Variants in MBD5 observed in about 807,000 individuals in gnomAD.
The protein encoded by MBD5 is methyl-CpG binding domain protein 5, also known as methyl-CpG-binding domain protein 5.
Under a neutral mutation model 117.3 loss-of-function variants are expected in MBD5, and 13 were observed. That is an observed-to-expected ratio of 0.11 (90% CI 0.07 to 0.18). The LOEUF (loss-of-function observed/expected upper bound fraction) is 0.18, where lower values mean the gene tolerates loss of function less well. MBD5 is among the 10% of genes least tolerant of loss of function. MBD5 has a pLI of 1.00. For synonymous variants in MBD5, 727 were observed against 766.4 expected (o/e 0.95, Z 0.85); for missense variants, 1,879 against 2,093.8 (o/e 0.90, Z 2.00).
At chr2:148,234,777 C>G (rs1040086513) in intron 3 of MBD5, among the ~76,000 whole-genome samples, 1 of 152,126 alleles carries the variant, frequency 6.6e-6, no homozygotes, top group Non-Finnish European at 1.5e-5. Context: ...AAAATTCTTT[C>G]TTATAACCCT....
At chr2:148,478,487 G>A (rs559758886) in intron 8 of MBD5, among the ~76,000 whole-genome samples, 19 of 152,152 alleles carry the variant, frequency 1.2e-4, no homozygotes, top group Admixed American at 3.3e-4. Flanking sequence ...GAACCCAGGA[G>A]GCGGAGGTTG....
chr2:148,152,294 G>A (rs541883216), intron 1 of MBD5, among the ~76,000 whole-genome samples: 80 of 152,142 alleles, frequency 5.3e-4, no homozygotes, highest in African/African-American at 1.9e-3. Flanking sequence ...ATTGCACTGT[G>A]GTCTGAGAGA....
intron 3 of MBD5, among the ~76,000 whole-genome samples, chr2:148,336,311 T>C (rs752370074): frequency 4.6e-5 from 7 of 152,230 alleles, no homozygotes; most frequent in African/African-American, 7.2e-5. Context: ...TACTTGGTCA[T>C]TTCTGAATTA....
At chr2:148,100,501 A>G (rs892820092) in intron 1 of MBD5, among the ~76,000 whole-genome samples, 24 of 152,162 alleles carry the variant, frequency 1.6e-4, no homozygotes, top group Admixed American at 1.3e-4. Context: ...CAGACAGGGC[A>G]CAGTAGGGAT....
chr2:148,346,109 G>A (rs1367782836), intron 4 of MBD5: 1 of 151,844 alleles, frequency 6.6e-6, no homozygotes, highest in Non-Finnish European at 1.5e-5. Context: ...CAGGAAGCAA[G>A]GGGTATATGG....
intron 3 of MBD5, among the ~76,000 whole-genome samples, chr2:148,293,172 T>A (rs1306380114): frequency 4.9e-5 from 6 of 121,556 alleles, no homozygotes; most frequent in East Asian, 2.3e-4. Context: ...AAAAAAAAAA[T>A]TAGCCAGGCA....
At chr2:148,464,660 C>A (rs1707200934) in intron 7 of MBD5, among the ~76,000 whole-genome samples, 1 of 151,840 alleles carries the variant, frequency 6.6e-6, no homozygotes, top group Non-Finnish European at 1.5e-5. Context: ...CTTATAGTTT[C>A]ACAGAAATTC....
chr2:148,300,358 G>A (rs1701754139), intron 3 of MBD5, among the ~76,000 whole-genome samples: 1 of 152,186 alleles, frequency 6.6e-6, no homozygotes, highest in Admixed American at 6.5e-5. Flanking sequence ...CGGGCATGGG[G>A]ATTGTTTTTT....
In MBD5 at chr2:148,130,155, C is replaced by A. The variant is rs1215185234; in HGVS notation, c.-924-48545C>A. Reference sequence around the variant, plus strand: ...TAGCTTCAAGCCCATGCATTTTGTCCTAAAAGAGAAGACTATAACTATCAT... The same window carrying A: ...TAGCTTCAAGCCCATGCATTTTGTCATAAAAGAGAAGACTATAACTATCAT... On this transcript the variant is annotated intron_variant, in intron 1 of 13. Coordinates refer to ENST00000642680, the MANE Select transcript of MBD5 (RefSeq NM_001378120.1). Among the ~76,000 whole-genome samples the A allele has an allele frequency of 3.9e-5, 6 of 152,148 alleles. No homozygotes were observed. The East Asian group carries it at 1.2e-3, about 29-fold the overall frequency.
chr2:148,394,570 G>A (rs1392202534), intron 4 of MBD5, among the ~76,000 whole-genome samples: 1 of 71,014 alleles, frequency 1.4e-5, no homozygotes, highest in East Asian at 4.4e-4. Context: ...TCATTTTTTT[G>A]TTCATTCCAT....
intron 1 of MBD5, among the ~76,000 whole-genome samples, chr2:148,033,749 A>G (rs919240017): frequency 6.6e-6 from 1 of 152,208 alleles, no homozygotes; most frequent in African/African-American, 2.4e-5. Flanking sequence ...AAAATTGATG[A>G]AGGTACTTCA....
chr2:148,305,502 C>T (rs1279158078), intron 3 of MBD5, among the ~76,000 whole-genome samples: 2 of 152,148 alleles, frequency 1.3e-5, no homozygotes, highest in Non-Finnish European at 2.9e-5. Flanking sequence ...GGTTATTGGG[C>T]TCAAAGCATC....
chr2:148,217,683 G>T (rs1482983350), intron 2 of MBD5, among the ~76,000 whole-genome samples: 28 of 152,126 alleles, frequency 1.8e-4, no homozygotes, highest in Non-Finnish European at 4.1e-4. Context: ...GTCCTATTCT[G>T]TATGACTGGG....
chr2:148,358,136 G>T lies in MBD5; in HGVS notation c.-557+15800G>T, dbSNP rs1001903788. Among the ~76,000 whole-genome samples, 11 of 152,118 alleles carry T rather than the reference G, an allele frequency of 7.2e-5. No homozygotes were observed. The East Asian group carries it at 2.1e-3, about 29-fold the overall frequency. ...TATTTCTGTATTGTCATTTTACTGGGTCTTAAAAGAAGTAAAAACATGCGT... is the reference window on the plus strand; with the variant it reads ...TATTTCTGTATTGTCATTTTACTGGTTCTTAAAAGAAGTAAAAACATGCGT... On this transcript the variant is annotated intron_variant, in intron 4 of 13. Transcript: ENST00000642680.
intron 1 of MBD5, among the ~76,000 whole-genome samples, chr2:148,154,737 C>G (rs1015664962): frequency 6.6e-6 from 1 of 152,148 alleles, no homozygotes; most frequent in African/African-American, 2.4e-5. Context: ...GGAAAGGGAA[C>G]TCCCTGACCC....
At position 148,463,786 on chromosome 2, in the gene MBD5, A is replaced by G. The variant is rs1385855105; in HGVS notation, c.264A>G (p.Glu88=). 10 of 1,613,724 alleles carry G rather than the reference A, an allele frequency of 6.2e-6. No homozygotes were observed. The East Asian group carries it at 2.2e-4, about 36-fold the overall frequency. ...CTGCTGTGAAACAGAGAACCGCAGA[A>G]GATGTTAAGGCAGATGAAGATGTCA... The part of the protein sequence containing the change: ...PGAAVKQRTA[E]DVKADEDVTK... The change falls in exon 7 of 14, where the codon GAA becomes GAG. Residue 88 remains glutamate (E), a synonymous_variant. Transcript: ENST00000642680.
rs567781439 is a variant in MBD5 at position 148,202,480 on chromosome 2, C to G, written c.-831+23687C>G. ...CTTGAGGCTCAACAAGAAATCTAGT[C>G]TGCTGGTATGGAGAAAGTGGGAGAA... On this transcript the variant is annotated intron_variant, in intron 2 of 13. Transcript: ENST00000642680. Among the ~76,000 whole-genome samples the G allele has an allele frequency of 2.0e-5, 3 of 152,108 alleles. No homozygotes were observed. The East Asian group carries it at 5.8e-4, about 29-fold the overall frequency.
At chr2:148,141,103 G>C (rs895565811) in intron 1 of MBD5, among the ~76,000 whole-genome samples, 2 of 152,138 alleles carry the variant, frequency 1.3e-5, no homozygotes, top group African/African-American at 4.8e-5. Context: ...AAATTTAAAA[G>C]TGTAATCAGA....
At chr2:148,218,715 G>A (rs74688087) in intron 2 of MBD5, among the ~76,000 whole-genome samples, 17,467 of 152,230 alleles carry the variant, frequency 0.11, 1,353 homozygotes, top group Non-Finnish European at 0.18. Flanking sequence ...ACTGAATACT[G>A]TAGAGAATTA....
Sources: gnomAD v4.1 joint callset for allele counts (sites outside exome capture counted in the v4.1 genomes callset) on GRCh38, gnomAD v4.1.1 for gene constraint, MANE v1.5 for transcripts, NCBI Gene and HGNC (gene_info 2026-07-23, HGNC 2026-07-21) for gene names.